MBP: variants seen among roughly 807,000 people sequenced by gnomAD.
MBP encodes myelin basic protein, also known as Golli-MBP.
In MBP, 16 loss-of-function variants were observed where a neutral mutation model predicts 35.8. That is an observed-to-expected ratio of 0.45 (90% CI 0.30 to 0.68). The LOEUF (loss-of-function observed/expected upper bound fraction) is 0.68, where lower values mean the gene tolerates loss of function less well. Among genes scored for constraint, MBP ranks in the 30% least tolerant of loss-of-function variants. The pLI, the probability that MBP is intolerant of heterozygous loss-of-function variation, is 0.08. For missense variants in MBP, 380 were observed against 404.7 expected, an observed-to-expected ratio of 0.94 and a Z score of 0.52; for synonymous variants, 143 against 159.6, an observed-to-expected ratio of 0.90 and a Z score of 0.78.
chr18:76,998,555 C>A (rs1368990914), intron 4 of MBP, among the ~76,000 whole-genome samples: 2 of 152,160 alleles, frequency 1.3e-5, no homozygotes, highest in Non-Finnish European at 2.9e-5. Context: ...AGAAGAGATG[C>A]CCGAACGCCC....
intron 4 of MBP, chr18:77,016,472 A>C: frequency 9.1e-7 from 1 of 1,101,258 alleles, no homozygotes. Context: ...TGCAGAGGCA[A>C]CATCAGTCAT....
At chr18:77,064,010 A>G (rs1254792684) in intron 3 of MBP, among the ~76,000 whole-genome samples, 1 of 152,150 alleles carries the variant, frequency 6.6e-6, no homozygotes, top group Non-Finnish European at 1.5e-5. Flanking sequence ...GATAAAGATG[A>G]TGTTTGCTTA....
Position 77,102,093 on chromosome 18 carries a change from T to C in MBP, c.51+3118A>G, listed in dbSNP as rs1976042794. Among the ~76,000 whole-genome samples the C allele has an allele frequency of 6.6e-6, 1 of 151,870 alleles. No homozygotes were observed. Among genetic ancestry groups the C allele is most frequent in the Admixed American group, 6.6e-5 (1 of 15,256 alleles). On this transcript the variant is annotated intron_variant, in intron 2 of 8. Coordinates refer to ENST00000355994, the MANE Select transcript of MBP (RefSeq NM_001025101.2). This position sits in a 1 kb window ranked among gnomAD's most constrained non-coding sequence, Gnocchi z 4.4. Reference sequence around the variant, plus strand: ...TATCAGAGCACTCAGCCGCAGGCTCTATGACAGCAGAGGAAAGAATCATCT... The same window carrying C: ...TATCAGAGCACTCAGCCGCAGGCTCCATGACAGCAGAGGAAAGAATCATCT...
At chr18:77,021,902 G>A (rs1402565312) in intron 3 of MBP, among the ~76,000 whole-genome samples, 1 of 152,074 alleles carries the variant, frequency 6.6e-6, no homozygotes, top group Admixed American at 6.5e-5. Flanking sequence ...ATCTGAGAAC[G>A]CACGGTGACA....
Position 77,049,394 on chromosome 18 carries a change from T to C in MBP, c.139+16904A>G, listed in dbSNP as rs552829102. Among the ~76,000 whole-genome samples, 321 of 152,336 alleles carry C rather than the reference T, an allele frequency of 2.1e-3. 1 individual carries two copies. Among genetic ancestry groups the C allele is most frequent in the African/African-American group, 7.0e-3 (293 of 41,572 alleles). On this transcript the variant is annotated intron_variant, in intron 3 of 8. Transcript: ENST00000355994. ...GTTGGAGAACATGCTTATAGCTGGG[T>C]CTCTTTCACACCCTAATTTATAGTC...
chr18:77,093,767 G>A (rs1432563537), intron 2 of MBP, among the ~76,000 whole-genome samples: 2 of 152,144 alleles, frequency 1.3e-5, no homozygotes, highest in Non-Finnish European at 2.9e-5. Flanking sequence ...ACGGGCGGGC[G>A]CTGCAACTGC....
chr18:76,985,684 C>T (rs1377608315), intron 7 of MBP: 11 of 1,039,170 alleles, frequency 1.1e-5, no homozygotes, highest in African/African-American at 1.7e-5. Flanking sequence ...ACCTCCCAGT[C>T]CCCTAGCACC....
intron 1 of MBP, among the ~76,000 whole-genome samples, chr18:77,122,795 G>A (rs1016136957): frequency 2.6e-5 from 4 of 152,052 alleles, no homozygotes; most frequent in East Asian, 3.9e-4. Context: ...CTCCCGCCTC[G>A]GCCTCCCAAA....
chr18:77,011,556 A>T (rs1044683560), intron 4 of MBP, among the ~76,000 whole-genome samples: 4 of 152,172 alleles, frequency 2.6e-5, no homozygotes, highest in Non-Finnish European at 5.9e-5. Context: ...CATCCCACTG[A>T]TGGTTTTCAG....
intron 2 of MBP, among the ~76,000 whole-genome samples, chr18:77,085,092 A>G (rs184309414): frequency 6.6e-6 from 1 of 152,276 alleles, no homozygotes. Flanking sequence ...GCCGTTATTC[A>G]GTTCAAAAGA....
In MBP at chr18:76,999,647, C is replaced by T. The variant is rs529387248; in HGVS notation, c.577-9587G>A. Among the ~76,000 whole-genome samples the T allele has an allele frequency of 1.5e-4, 23 of 152,140 alleles. No individual in the cohort carries two copies. The South Asian group carries it at 4.8e-3, about 32-fold the overall frequency. Reference sequence around the variant, plus strand: ...TTTTGTTCAGTGGAGACGAGTTTCACCATGTTGCCCAGGCTGGTCTTGAAC... The same window carrying T: ...TTTTGTTCAGTGGAGACGAGTTTCATCATGTTGCCCAGGCTGGTCTTGAAC... On this transcript the variant is annotated intron_variant, in intron 4 of 8. Transcript: ENST00000355994.
chr18:77,082,626 CTGACTGGG>C (rs1974998547), intron 2 of MBP, among the ~76,000 whole-genome samples: 2 of 151,740 alleles, frequency 1.3e-5, no homozygotes, highest in African/African-American at 4.8e-5. Context: ...CAGTGAGATG[CTGACTGGG>C]CATGCGGCTC....
chr18:77,106,675 G>A (rs898260301), intron 1 of MBP, among the ~76,000 whole-genome samples: 1 of 152,102 alleles, frequency 6.6e-6, no homozygotes, highest in Non-Finnish European at 1.5e-5. Flanking sequence ...TCAAAGACGC[G>A]GTTCTAGTGA....
intron 1 of MBP, among the ~76,000 whole-genome samples, chr18:77,132,008 G>T (rs1977292847): frequency 1.3e-5 from 2 of 152,162 alleles, no homozygotes; most frequent in African/African-American, 4.8e-5. Flanking sequence ...GCAGGGGCAG[G>T]AGCGCGATCG....
At chr18:77,126,733 C>G (rs1040985870) in intron 1 of MBP, among the ~76,000 whole-genome samples, 1 of 152,150 alleles carries the variant, frequency 6.6e-6, no homozygotes, top group African/African-American at 2.4e-5. Flanking sequence ...ACAGTTCTAC[C>G]TACTCCACAA....
rs373577422 is a variant in MBP at position 77,051,727 on chromosome 18, C to T, written c.139+14571G>A. ...ACCTTCCAGGGAGAAGAAGAAAGGG[C>T]GGAATGAATATGGAAAGCAGTGGTG... On this transcript the variant is annotated intron_variant, in intron 3 of 8. Coordinates refer to ENST00000355994, the MANE Select transcript of MBP (RefSeq NM_001025101.2). Among the ~76,000 whole-genome samples, 21 of 152,240 alleles carry T rather than the reference C, an allele frequency of 1.4e-4. No individual in the cohort carries two copies. In the East Asian group the frequency reaches 1.7e-3, roughly 13 times the overall value.
chr18:77,067,615 G>C (rs1352231708), intron 2 of MBP, among the ~76,000 whole-genome samples: 1 of 152,190 alleles, frequency 6.6e-6, no homozygotes, highest in Non-Finnish European at 1.5e-5. Flanking sequence ...CTTTCACTGA[G>C]CGGGCGTCAG....
At chr18:77,125,041 T>C (rs1045725369) in intron 1 of MBP, among the ~76,000 whole-genome samples, 1 of 152,176 alleles carries the variant, frequency 6.6e-6, no homozygotes, top group African/African-American at 2.4e-5. Context: ...ACGCTTCTCT[T>C]TTTAGATCAA....
At chr18:76,986,903 T>G (rs1599467908) in intron 7 of MBP, 1 of 985,464 alleles carries the variant, frequency 1.0e-6, no homozygotes, top group East Asian at 1.1e-4. Context: ...ACCTAGAATG[T>G]ACCAGGAAAC....
Sources: gnomAD v4.1 joint callset for allele counts (sites outside exome capture counted in the v4.1 genomes callset) on GRCh38, gnomAD v4.1.1 for gene constraint, Gnocchi (gnomAD v3.1) non-coding constraint, MANE v1.5 for transcripts, NCBI Gene and HGNC (gene_info 2026-07-23, HGNC 2026-07-21) for gene names.